The following NAA35 variants were observed in gnomAD, a reference collection of about 807,000 sequenced individuals.
NAA35 encodes the protein MAK10 homolog, amino-acid N-acetyltransferase subunit.
Under a neutral mutation model 101.7 loss-of-function variants are expected in NAA35, and 18 were observed. The ratio of observed to expected loss-of-function variants is 0.18; its 90% CI spans 0.12 to 0.26. The LOEUF is 0.26. Among genes scored for constraint, NAA35 ranks in the 10% least tolerant of loss-of-function variants. The pLI is 1.00. For synonymous variants in NAA35, 267 were observed against 273.1 expected, an observed-to-expected ratio of 0.98 and a Z score of 0.22; for missense variants, 601 against 886.8, an observed-to-expected ratio of 0.68 and a Z score of 4.09.
chr9:85,955,347 TATATA>T (rs1244161161), intron 2 of NAA35, among the ~76,000 whole-genome samples: 974 of 77,346 alleles, frequency 0.013, 44 homozygotes, highest in African/African-American at 0.052. Flanking sequence ...TATATATATA[TATATA>T]TATATATATT....
At chr9:86,010,476 A>G (rs867717164) in intron 15 of NAA35, among the ~76,000 whole-genome samples, 1 of 151,858 alleles carries the variant, frequency 6.6e-6, no homozygotes, top group Admixed American at 6.6e-5. Context: ...TAGATAGGGA[A>G]TGTTATGACT....
At chr9:85,990,994 G>A (rs1830880271) in intron 11 of NAA35, among the ~76,000 whole-genome samples, 2 of 152,134 alleles carry the variant, frequency 1.3e-5, no homozygotes, top group Non-Finnish European at 2.9e-5. Context: ...ACTGTGAATC[G>A]GTAGCCTAAC....
At chr9:85,976,161 A>G (rs570747764) in intron 8 of NAA35, among the ~76,000 whole-genome samples, 6 of 152,336 alleles carry the variant, frequency 3.9e-5, no homozygotes, top group Non-Finnish European at 8.8e-5. Flanking sequence ...CTTTAGGGCT[A>G]GAACCCACAA....
At chr9:85,995,895 A>G (rs1012086848) in intron 11 of NAA35, among the ~76,000 whole-genome samples, 1 of 152,142 alleles carries the variant, frequency 6.6e-6, no homozygotes, top group African/African-American at 2.4e-5. Context: ...TCTGTTCCAA[A>G]TGCATTTTGG....
chr9:85,946,116 A>G (rs963659901), intron 2 of NAA35, among the ~76,000 whole-genome samples: 2 of 146,304 alleles, frequency 1.4e-5, no homozygotes, highest in African/African-American at 5.2e-5. Context: ...TTGCTTTCTT[A>G]AAAAAAAAAT....
Position 86,024,306 on chromosome 9 carries a change from T to C in NAA35, c.*2346T>C, listed in dbSNP as rs1049702371. Among the ~76,000 whole-genome samples, 1 of 151,854 alleles carries C rather than the reference T, an allele frequency of 6.6e-6. No individual in the cohort carries two copies. Among genetic ancestry groups the C allele is most frequent in the Admixed American group, 6.6e-5 (1 of 15,244 alleles). On this transcript the variant is annotated 3_prime_UTR_variant, in exon 23 of 23. Coordinates refer to ENST00000361671, the MANE Select transcript of NAA35 (RefSeq NM_024635.4). ...GTGCACAGGCTTGGAGGGGAGAGGG[T>C]AGCAGCCTGGCCGAAGTATAGAGCA...
chr9:86,024,931 G>A lies in NAA35; in HGVS notation c.*2971G>A, dbSNP rs1301005144. Among the ~76,000 whole-genome samples, 1 of 152,116 alleles carries A rather than the reference G, an allele frequency of 6.6e-6. No homozygotes were observed. Among genetic ancestry groups the A allele is most frequent in the African/African-American group, 2.4e-5 (1 of 41,424 alleles). ...GCTCCTAGAGTAAGGGACTGAGATA[G>A]GTCCCAAGGAATAGACTTGGGAGGG... On this transcript the variant is annotated 3_prime_UTR_variant, in exon 23 of 23. Transcript: ENST00000361671.
intron 11 of NAA35, among the ~76,000 whole-genome samples, chr9:85,978,799 G>T (rs1474521117): frequency 2.6e-5 from 4 of 151,934 alleles, no homozygotes; most frequent in Admixed American, 2.6e-4. Context: ...GAATAGTTTG[G>T]CGGGCAGTGG....
At chr9:85,992,117 T>A (rs1460846319) in intron 11 of NAA35, among the ~76,000 whole-genome samples, 1 of 149,896 alleles carries the variant, frequency 6.7e-6, no homozygotes, top group East Asian at 1.9e-4. Flanking sequence ...GAGCTTGCAG[T>A]GAGCCAAGAT....
intron 2 of NAA35, among the ~76,000 whole-genome samples, chr9:85,953,127 C>T (rs374516958): frequency 2.0e-5 from 3 of 151,936 alleles, no homozygotes; most frequent in African/African-American, 4.8e-5. Context: ...GTGGGAGGAT[C>T]ACCTGAGCCT....
intron 5 of NAA35, 79 bp downstream of exon 5, chr9:85,959,946 T>TA: frequency 1.0e-6 from 1 of 991,520 alleles, no homozygotes; most frequent in Non-Finnish European, 1.5e-6. Context: ...GCCTATACAC[T>TA]AATGTTGAGT....
chr9:86,007,316 C>T (rs776206701), intron 13 of NAA35, 42 bp from the exon 14 acceptor site: 1 of 1,361,810 alleles, frequency 7.3e-7, no homozygotes. Context: ...AATGACAATT[C>T]TGTGCGTGAC....
chr9:85,981,714 T>G (rs1385118056), intron 11 of NAA35, among the ~76,000 whole-genome samples: 1 of 152,196 alleles, frequency 6.6e-6, no homozygotes, highest in Non-Finnish European at 1.5e-5. Context: ...GTACTCACCC[T>G]GTGCTTGTAT....
chr9:86,013,648 GTT>G, intron 16 of NAA35, 69 bp from the exon 17 acceptor site: 1 of 1,409,240 alleles, frequency 7.1e-7, no homozygotes, highest in Non-Finnish European at 9.7e-7. Context: ...TTAGCTGTAC[GTT>G]TTTTTAAAGT....
intron 13 of NAA35, among the ~76,000 whole-genome samples, chr9:86,006,479 G>A (rs1831648562): frequency 6.6e-6 from 1 of 152,174 alleles, no homozygotes; most frequent in Admixed American, 6.5e-5. Context: ...AAAAGAAAAT[G>A]AAGCATGATA....
chr9:85,972,590 A>G (rs1440377805), intron 6 of NAA35, among the ~76,000 whole-genome samples: 3 of 151,970 alleles, frequency 2.0e-5, no homozygotes, highest in African/African-American at 7.2e-5. Context: ...TTTTCTGAAA[A>G]ATTAGGAGAC....
intron 6 of NAA35, among the ~76,000 whole-genome samples, chr9:85,971,589 T>C (rs1830000878): frequency 6.6e-6 from 1 of 152,186 alleles, no homozygotes; most frequent in Admixed American, 6.5e-5. Flanking sequence ...GACTTCAGTC[T>C]CAAGCAAGTG....
At chr9:86,007,180 C>T (rs1459247404) in intron 13 of NAA35, among the ~76,000 whole-genome samples, 178 bp from the exon 14 acceptor site, 1 of 152,048 alleles carries the variant, frequency 6.6e-6, no homozygotes, top group Non-Finnish European at 1.5e-5. Flanking sequence ...CAGAATTCAC[C>T]TTCAGTAAGG....
intron 21 of NAA35, among the ~76,000 whole-genome samples, chr9:86,019,292 G>C (rs1832400437): frequency 6.6e-6 from 1 of 151,804 alleles, no homozygotes; most frequent in African/African-American, 2.4e-5. Context: ...AATCCCATTT[G>C]TACTAACAAT....
Sources: gnomAD v4.1 joint callset for allele counts (sites outside exome capture counted in the v4.1 genomes callset) on GRCh38, gnomAD v4.1.1 for gene constraint, MANE v1.5 for transcripts, NCBI Gene and HGNC (gene_info 2026-07-23, HGNC 2026-07-21) for gene names.